The following DLX4 variants were observed in gnomAD, a reference collection of about 807,000 sequenced individuals.
The protein encoded by DLX4 is distal-less homeobox 4.
In DLX4, 13 loss-of-function variants were observed where a neutral mutation model predicts 17.1. The observed-to-expected ratio is 0.76, with a 90% CI of 0.49 to 1.21. The LOEUF (loss-of-function observed/expected upper bound fraction) is 1.21. Among genes scored for constraint, DLX4 ranks in the 50% most tolerant of loss-of-function variants. The pLI is 0.00. For missense variants in DLX4, 297 were observed against 301.4 expected, an observed-to-expected ratio of 0.99 and a Z score of 0.11; for synonymous variants, 129 against 140.3, an observed-to-expected ratio of 0.92 and a Z score of 0.57.
Position 49,969,499 on chromosome 17 carries a change from C to T in DLX4, c.31C>T (p.Arg11Trp), listed in dbSNP as rs748013502. The T allele has an allele frequency of 6.2e-7, 1 of 1,604,658 alleles. No individual in the cohort carries two copies. The highest frequency in any genetic ancestry group is 8.5e-7 in the Non-Finnish European group (1 of 1,177,132). The change falls in exon 1 of 3, where the codon CGG (arginine) becomes TGG (tryptophan). Residue 11 changes from arginine to tryptophan, a missense_variant. By Grantham distance (101) the Arg-to-Trp change is moderately radical. Transcript: ENST00000240306. MTSLPCPLPG[R>W]DASKAVFPDL... ...CTCTTTGCCCTGCCCCCTCCCCGGC[C>T]GGGACGCCTCCAAAGCTGTCTTCCC...
Position 49,969,324 on chromosome 17 carries a change from G to C in DLX4, c.-145G>C. 3 of 980,228 alleles carry C rather than the reference G, an allele frequency of 3.1e-6. No homozygotes were observed. Among genetic ancestry groups the C allele is most frequent in the Non-Finnish European group, 2.9e-6 (2 of 688,724 alleles). 60.7% of individuals were successfully genotyped at this position (980,228 alleles called of 1,614,324 possible). A position where few individuals can be genotyped will look rare whatever the true frequency, so the allele number is the denominator to read the frequency against. On this transcript the variant is annotated 5_prime_UTR_variant, in exon 1 of 3. Coordinates refer to ENST00000240306, the MANE Select transcript of DLX4 (RefSeq NM_138281.3). ...CGTTCTCCGCTGAAAGAGGCTCAGA[G>C]AGACACTTTCTCCGGGATCTTAAGT...
chr17:49,969,364 C>G lies in DLX4; in HGVS notation c.-105C>G. 7.6e-7 allele frequency: 1 copy of G among 1,317,298 alleles called. No homozygotes were observed. Among genetic ancestry groups the G allele is most frequent in the South Asian group, 1.5e-5 (1 of 67,352 alleles). The allele number at this position is 1,317,298 out of a possible 1,614,324, so 81.6% of individuals were successfully genotyped here. A position where few individuals can be genotyped will look rare whatever the true frequency, so the allele number is the denominator to read the frequency against. ...GGATCTTAAGTGTGGGGGCTGCTGGCTGGGGGGCCCGTCCGGCCCAACGCC... is the reference window on the plus strand; with the variant it reads ...GGATCTTAAGTGTGGGGGCTGCTGGGTGGGGGGCCCGTCCGGCCCAACGCC... On this transcript the variant is annotated 5_prime_UTR_variant, in exon 1 of 3. Coordinates refer to ENST00000240306, the MANE Select transcript of DLX4 (RefSeq NM_138281.3).
Position 49,973,717 on chromosome 17 carries a change from A to G in DLX4, c.497A>G (p.Gln166Arg), listed in dbSNP as rs776571336. 3.3e-5 allele frequency: 49 copies of G among 1,502,246 alleles called. No individual in the cohort carries two copies. The highest frequency in any genetic ancestry group is 4.4e-5 in the Non-Finnish European group (49 of 1,125,290). 93.1% of individuals were successfully genotyped at this position (1,502,246 alleles called of 1,614,324 possible). ...TTCCCGAAGGTAAAGATCTGGTTTC[A>G]GAACAAACGCTCCAAGTATAAGAAG... ...LTQTQVKIWFQNKRSKYKKLL... is the reference protein window; with the variant it reads ...LTQTQVKIWFRNKRSKYKKLL... Residue 166 changes from glutamine to arginine, a missense_variant, in exon 3 of 3, where the codon CAG becomes CGG. Gln to Arg is a conservative substitution (Grantham distance 43, BLOSUM62 1). Coordinates refer to ENST00000240306, the MANE Select transcript of DLX4 (RefSeq NM_138281.3).
At position 49,973,057 on chromosome 17, in the gene DLX4, T is replaced by C. The variant is rs1330798548; in HGVS notation, c.284-16T>C. On this transcript the variant is annotated splice_polypyrimidine_tract_variant and intron_variant, in intron 1 of 2. Transcript: ENST00000240306. ...CTCCCTCCTCGCCCCCTACACCGTGTTGTGCTGCCCACCAGACTCGGAGAA... is the reference window on the plus strand; with the variant it reads ...CTCCCTCCTCGCCCCCTACACCGTGCTGTGCTGCCCACCAGACTCGGAGAA... 3 of 1,613,778 alleles carry C rather than the reference T, an allele frequency of 1.9e-6. No individual in the cohort carries two copies. The highest frequency in any genetic ancestry group is 1.6e-4 in the Middle Eastern group (1 of 6,080).
chr17:49,970,712 C>T (rs1222156714), intron 1 of DLX4, among the ~76,000 whole-genome samples: 1 of 152,210 alleles, frequency 6.6e-6, no homozygotes, highest in Non-Finnish European at 1.5e-5. Flanking sequence ...CTCACCCCCT[C>T]CTCCTGCAAT....
rs774477155 is a variant in DLX4 at position 49,974,327 on chromosome 17, C to T, written c.*384C>T. On this transcript the variant is annotated 3_prime_UTR_variant, in exon 3 of 3. Coordinates refer to ENST00000240306, the MANE Select transcript of DLX4 (RefSeq NM_138281.3). ...CCTGCTTTCTTGAAAAGGACTGAAT[C>T]GCCACTACAGCCTGGGTGCAAAATC... 102 of 169,742 alleles carry T rather than the reference C, an allele frequency of 6.0e-4. No homozygotes were observed. The highest frequency in any genetic ancestry group is 7.2e-4 in the Non-Finnish European group (58 of 80,096). 10.5% of individuals were successfully genotyped at this position (169,742 alleles called of 1,614,324 possible). A position where few individuals can be genotyped will look rare whatever the true frequency, so the allele number is the denominator to read the frequency against.
Position 49,972,042 on chromosome 17 carries a change from C to G in DLX4, c.284-1031C>G, listed in dbSNP as rs1481732968. The G allele has an allele frequency of 6.6e-6, 1 of 152,238 alleles. No homozygotes were observed. The highest frequency in any genetic ancestry group is 2.4e-5 in the African/African-American group (1 of 41,442). 9.4% of individuals were successfully genotyped at this position (152,238 alleles called of 1,614,324 possible). ...GCGAACGCTGCCCTAAGCGCCCGGG[C>G]ATTGCGGCTGCTCCATCCGCCCTAC... On this transcript the variant is annotated intron_variant, in intron 1 of 2. Coordinates refer to ENST00000240306, the MANE Select transcript of DLX4 (RefSeq NM_138281.3). The surrounding 1 kb of genome is among the most constrained non-coding windows in gnomAD (Gnocchi z 5.4).
At chr17:49,970,095 A>G (rs943909686) in intron 1 of DLX4, among the ~76,000 whole-genome samples, 1 of 152,180 alleles carries the variant, frequency 6.6e-6, no homozygotes, top group African/African-American at 2.4e-5. Context: ...ATGGGGGCCT[A>G]GCCCCTTTGT....
At chr17:49,970,656 C>A (rs1905472588) in intron 1 of DLX4, among the ~76,000 whole-genome samples, 1 of 152,200 alleles carries the variant, frequency 6.6e-6, no homozygotes. Context: ...TGCACTGGCT[C>A]CAGCTTAGCC....
Position 49,973,280 on chromosome 17 carries a change from T to G in DLX4, c.480+11T>G, listed in dbSNP as rs1339191443. The G allele has an allele frequency of 6.2e-7, 1 of 1,613,016 alleles. No homozygotes were observed. Among genetic ancestry groups the G allele is most frequent in the South Asian group, 1.1e-5 (1 of 91,036 alleles). ...CTCACCCAGACCCAGGTGGGGCCAG[T>G]GTCGTCCTTCCCCATCTCTCACCTT... On this transcript the variant is annotated intron_variant, in intron 2 of 2. Transcript: ENST00000240306.
chr17:49,972,945 TG>T lies in DLX4; in HGVS notation c.284-126del, dbSNP rs768524313. 1.1e-4 allele frequency: 164 copies of T among 1,509,800 alleles called. No individual in the cohort carries two copies. Among genetic ancestry groups the T allele is most frequent in the Non-Finnish European group, 1.3e-4 (152 of 1,126,924 alleles). The allele number at this position is 1,509,800 out of a possible 1,614,324, so 93.5% of individuals were successfully genotyped here. A position where few individuals can be genotyped will look rare whatever the true frequency, so the allele number is the denominator to read the frequency against. On this transcript the variant is annotated intron_variant, in intron 1 of 2. Coordinates refer to ENST00000240306, the MANE Select transcript of DLX4 (RefSeq NM_138281.3). This position sits in a 1 kb window ranked among gnomAD's most constrained non-coding sequence, Gnocchi z 5.4. The stretch of plus-strand genomic sequence containing the variant: ...AGGGCAGGGGCCAAGGGGGCGATCC[TG>T]GTGGCTGCGCTTTTTGCTATTTGCT...
In DLX4 at chr17:49,972,633, A is replaced by G. The variant is rs1011049646; in HGVS notation, c.284-440A>G. The G allele has an allele frequency of 5.5e-5, 46 of 833,380 alleles. No homozygotes were observed. The highest frequency in any genetic ancestry group is 1.0e-4 in the Admixed American group (2 of 19,818). 51.6% of individuals were successfully genotyped at this position (833,380 alleles called of 1,614,324 possible). ...CGGACACCGTCTCAAGCCTCTGAGC[A>G]TTGCTCTGAGCCTCTGCCTGCAATG... On this transcript the variant is annotated intron_variant, in intron 1 of 2. Transcript: ENST00000240306. This position sits in a 1 kb window ranked among gnomAD's most constrained non-coding sequence, Gnocchi z 5.4.
At chr17:49,968,685 G>A (rs1905390116), upstream of DLX4, among the ~76,000 whole-genome samples, 1 of 151,954 alleles carries the variant, frequency 6.6e-6, no homozygotes, top group Admixed American at 6.6e-5. Flanking sequence ...GGCAGGCTGG[G>A]CGCCGGGCGG....
At chr17:49,971,723 G>A (rs1481384042) in intron 1 of DLX4, among the ~76,000 whole-genome samples, 1 of 152,090 alleles carries the variant, frequency 6.6e-6, no homozygotes. Flanking sequence ...CCAGCAGTGG[G>A]GTCGAGGCAG....
rs1273320602 is a variant in DLX4 at position 49,972,160 on chromosome 17, C to G, written c.284-913C>G. 6.6e-6 allele frequency: 1 copy of G among 152,448 alleles called. No homozygotes were observed. The highest frequency in any genetic ancestry group is 1.9e-4 in the East Asian group (1 of 5,180). The allele number at this position is 152,448 out of a possible 1,614,324, so 9.4% of individuals were successfully genotyped here. A position where few individuals can be genotyped will look rare whatever the true frequency, so the allele number is the denominator to read the frequency against. On this transcript the variant is annotated intron_variant, in intron 1 of 2. Transcript: ENST00000240306. This position sits in a 1 kb window ranked among gnomAD's most constrained non-coding sequence, Gnocchi z 5.4. ...AAGAACAGAAACCCCTCGGCCCAAC[C>G]CTCCCCTGTCCCTCAGCATTCTAGG... is the stretch of plus-strand genomic sequence containing the variant.
At position 49,972,593 on chromosome 17, in the gene DLX4, C is replaced by T; in HGVS notation, c.284-480C>T. ...CTCTCACCCACCCCGCTGGCCGCAG[C>T]CGGAGGCTGCCACGCGGACACCGTC... On this transcript the variant is annotated intron_variant, in intron 1 of 2. Transcript: ENST00000240306. This position sits in a 1 kb window ranked among gnomAD's most constrained non-coding sequence, Gnocchi z 5.4. 1 of 466,194 alleles carries T rather than the reference C, an allele frequency of 2.1e-6. No homozygotes were observed. Among genetic ancestry groups the T allele is most frequent in the Non-Finnish European group, 2.9e-6 (1 of 346,644 alleles). The allele number at this position is 466,194 out of a possible 1,614,324, so 28.9% of individuals were successfully genotyped here.
In DLX4 at chr17:49,974,492, A is replaced by G. The variant is rs1278413646; in HGVS notation, c.*549A>G. ...CCTTGGAGGTCAGCCCGTTACCCCC[A>G]TAACTGATTTACCTACTTACCATAC... On this transcript the variant is annotated 3_prime_UTR_variant, in exon 3 of 3. Coordinates refer to ENST00000240306, the MANE Select transcript of DLX4 (RefSeq NM_138281.3). 6.6e-6 allele frequency: 1 copy of G among 151,022 alleles called. No individual in the cohort carries two copies. The highest frequency in any genetic ancestry group is 1.5e-5 in the Non-Finnish European group (1 of 67,898). The allele number at this position is 151,022 out of a possible 1,614,324, so 9.4% of individuals were successfully genotyped here. A position where few individuals can be genotyped will look rare whatever the true frequency, so the allele number is the denominator to read the frequency against.
rs528867154 is a variant in DLX4 at position 49,972,700 on chromosome 17, C to G, written c.284-373C>G. The G allele has an allele frequency of 6.0e-6, 8 of 1,335,674 alleles. No individual in the cohort carries two copies. The East Asian group carries it at 2.4e-4, about 40-fold the overall frequency. The allele number at this position is 1,335,674 out of a possible 1,614,324, so 82.7% of individuals were successfully genotyped here. The stretch of plus-strand genomic sequence containing the variant: ...TCTAGGCCTCGGCTCAGCCCTGGAC[C>G]TAGCCTTTCTGCCCCGCCCTACCCC... On this transcript the variant is annotated intron_variant, in intron 1 of 2. Transcript: ENST00000240306. The surrounding 1 kb of genome is among the most constrained non-coding windows in gnomAD (Gnocchi z 5.4).
At chr17:49,971,512 G>C (rs981742284) in intron 1 of DLX4, among the ~76,000 whole-genome samples, 8 of 152,260 alleles carry the variant, frequency 5.3e-5, no homozygotes, top group South Asian at 2.1e-4. Flanking sequence ...GGCAGATCTC[G>C]TAACTTGCTG....
Sources: allele counts gnomAD v4.1 joint callset (sites outside exome capture counted in the v4.1 genomes callset), GRCh38; gene constraint gnomAD v4.1.1; non-coding constraint Gnocchi (gnomAD v3.1); transcripts MANE v1.5; gene names NCBI Gene and HGNC (gene_info 2026-07-23, HGNC 2026-07-21).